KDM2B: variants seen among roughly 807,000 people sequenced by gnomAD.
KDM2B encodes the protein lysine-specific demethylase 2B.
KDM2B carries 26 observed loss-of-function variants against 150.0 expected under a neutral mutation model. The observed-to-expected ratio is 0.17, with a 90% CI of 0.13 to 0.24. The LOEUF (loss-of-function observed/expected upper bound fraction) is 0.24, where lower values mean the gene tolerates loss of function less well. Ranked by LOEUF, KDM2B falls within the 10% of genes least tolerant of loss-of-function variation. The pLI, the probability that KDM2B is intolerant of heterozygous loss-of-function variation, is 1.00. For missense variants in KDM2B, 1,265 were observed against 1,816.9 expected, an observed-to-expected ratio of 0.70 and a Z score of 5.52; for synonymous variants, 734 against 729.5, an observed-to-expected ratio of 1.01 and a Z score of -0.10.
rs1872717310 is a variant in KDM2B, at chr12:121,429,672, T to G, written c.*616A>C. ...CTACTTTGTTAGATCTGGGCACATT[T>G]GTAGATGGGTTGTGTCGATGAAGTA... is the stretch of plus-strand genomic sequence containing the variant. On this transcript the variant is annotated 3_prime_UTR_variant, in exon 23 of 23. Coordinates refer to ENST00000377071, the MANE Select transcript of KDM2B (RefSeq NM_032590.5). The G allele has an allele frequency of 1.3e-5, 4 of 303,490 alleles. No homozygotes were observed. The South Asian group carries it at 2.2e-4, about 16-fold the overall frequency. 18.8% of individuals were successfully genotyped at this position (303,490 alleles called of 1,614,324 possible).
intron 17 of KDM2B, chr12:121,443,258 T>A (rs1197598927): frequency 2.0e-5 from 12 of 594,312 alleles, no homozygotes; most frequent in Non-Finnish European, 3.6e-5. Flanking sequence ...CCCACCCAAC[T>A]GACCTCCCAC....
At chr12:121,417,940 G>A in the KDM2B span, 6 of 1,600,712 alleles carry the variant, frequency 3.7e-6, no homozygotes, top group Non-Finnish European at 5.1e-6. The surrounding 1 kb of genome is among the most constrained non-coding windows in gnomAD (Gnocchi z 5.0). Context: ...TTACACCCAG[G>A]GCCCGGCACG....
chr12:121,416,404 A>T, the KDM2B span: 3 of 1,413,820 alleles, frequency 2.1e-6, no homozygotes, highest in Non-Finnish European at 3.0e-6. Context: ...GTTACATAAC[A>T]ACACACATGG....
At chr12:121,498,221 G>GC (rs1216322573) in intron 11 of KDM2B, among the ~76,000 whole-genome samples, 1 of 152,106 alleles carries the variant, frequency 6.6e-6, no homozygotes, top group Non-Finnish European at 1.5e-5. Context: ...CTGCATGTGG[G>GC]CCCCAAATGG....
chr12:121,424,769 C>G (rs1872430942), downstream of KDM2B, among the ~76,000 whole-genome samples: 1 of 151,702 alleles, frequency 6.6e-6, no homozygotes, highest in Admixed American at 6.6e-5. Flanking sequence ...ACAGTGCTTA[C>G]ATTTCCTGCT....
intron 12 of KDM2B, among the ~76,000 whole-genome samples, chr12:121,457,411 G>A (rs1008266762): frequency 2.0e-5 from 3 of 151,994 alleles, no homozygotes; most frequent in African/African-American, 7.2e-5. Flanking sequence ...ACAGGTGTGC[G>A]CCACCAAGCC....
rs1555316798 is a variant in KDM2B, at chr12:121,575,878, T to C, written c.272-19A>G. ...TTGAAATCTGTTTGGATATTTGAATTAAAACAAGTTGGTTAAGTCACGAAG... is the reference window on the plus strand; with the variant it reads ...TTGAAATCTGTTTGGATATTTGAATCAAAACAAGTTGGTTAAGTCACGAAG... On this transcript the variant is annotated intron_variant, in intron 2 of 22. Transcript: ENST00000377071. This position sits in a 1 kb window ranked among gnomAD's most constrained non-coding sequence, Gnocchi z 4.4. The C allele has an allele frequency of 6.3e-7, 1 of 1,585,132 alleles. No individual in the cohort carries two copies. The highest frequency in any genetic ancestry group is 8.7e-7 in the Non-Finnish European group (1 of 1,153,770).
At chr12:121,419,742 G>A in the KDM2B span, among the ~76,000 whole-genome samples, 1 of 152,176 alleles carries the variant, frequency 6.6e-6, no homozygotes, top group Non-Finnish European at 1.5e-5. Flanking sequence ...ATTAGCCTCA[G>A]CCATCAGTGA....
chr12:121,515,871 C>T (rs1394963308), intron 9 of KDM2B, among the ~76,000 whole-genome samples: 2 of 152,112 alleles, frequency 1.3e-5, no homozygotes, highest in South Asian at 2.1e-4. Flanking sequence ...GGGGGATGCA[C>T]GGAGTGGGGA....
intron 4 of KDM2B, among the ~76,000 whole-genome samples, chr12:121,565,338 C>T (rs1555314656): frequency 1.4e-5 from 2 of 147,510 alleles, no homozygotes; most frequent in African/African-American, 5.0e-5. Context: ...TTTTTTAAGA[C>T]AGAGTTTCAT....
rs139166425 is a variant in KDM2B at position 121,531,820 on chromosome 12, C to T, written c.931+986G>A. Among the ~76,000 whole-genome samples the T allele has an allele frequency of 2.0e-3, 299 of 152,238 alleles. 2 individuals are homozygous for T. Among genetic ancestry groups the T allele is most frequent in the African/African-American group, 6.9e-3 (286 of 41,548 alleles). ...AAACCTCCTTCCTACAGGCTAGGTG[C>T]GGTGGCTCACATGTGTAATCCTAGC... On this transcript the variant is annotated intron_variant, in intron 8 of 22. Transcript: ENST00000377071.
chr12:121,516,547 C>T, intron 9 of KDM2B: 1 of 1,445,132 alleles, frequency 6.9e-7, no homozygotes, highest in Non-Finnish European at 9.1e-7. Context: ...TACGGTTGCT[C>T]AACATTATTT....
chr12:121,532,443 G>A (rs1288042158), intron 8 of KDM2B, among the ~76,000 whole-genome samples: 4 of 152,162 alleles, frequency 2.6e-5, no homozygotes, highest in East Asian at 3.9e-4. Context: ...CTAAGTGGTC[G>A]ATCCAGAATT....
rs1310643891 is a variant in KDM2B, at chr12:121,445,829, G to A, written c.1960-411C>T. On this transcript the variant is annotated intron_variant, in intron 13 of 22. Transcript: ENST00000377071. Reference sequence around the variant, plus strand: ...CATTCAGAAAAGCCCCAAAGGAGCAGGGGCGTGAGCGCAGCCCAGATCCAT... The same window carrying A: ...CATTCAGAAAAGCCCCAAAGGAGCAAGGGCGTGAGCGCAGCCCAGATCCAT... 1.2e-4 allele frequency among the ~76,000 whole-genome samples: 18 copies of A among 152,212 alleles called. No individual in the cohort carries two copies. In the South Asian group the frequency reaches 3.7e-3, roughly 32 times the overall value.
At chr12:121,495,533 C>T (rs924854724) in intron 11 of KDM2B, among the ~76,000 whole-genome samples, 6 of 152,170 alleles carry the variant, frequency 3.9e-5, no homozygotes, top group African/African-American at 1.4e-4. Context: ...CTCCTGGCCT[C>T]GAGGAATCCT....
chr12:121,439,863 G>C lies in KDM2B; in HGVS notation c.3823C>G (p.Leu1275Val). The C allele has an allele frequency of 1.2e-6, 2 of 1,614,024 alleles. No individual in the cohort carries two copies. Among genetic ancestry groups the C allele is most frequent in the Non-Finnish European group, 1.7e-6 (2 of 1,179,878 alleles). ...ATGGGGGCCCCTGACTCACCAGACAGGTTGATCTCGGTTAAGGAGTCTCGG... is the reference window on the plus strand; with the variant it reads ...ATGGGGGCCCCTGACTCACCAGACACGTTGATCTCGGTTAAGGAGTCTCGG... ...TTRDSLTEIN[L>V]SDCNKVTDQC... The change falls in exon 22 of 23, where the codon CTG becomes GTG. Residue 1275 changes from leucine to valine, a missense_variant. Leu to Val is a conservative substitution (Grantham distance 32, BLOSUM62 1). Around this residue, in one of 11 missense-constraint regions of KDM2B, gnomAD observed 251 missense variants for 397.8 expected, o/e 0.63. Transcript: ENST00000377071.
the KDM2B span, chr12:121,415,412 C>T: frequency 3.8e-3 from 902 of 239,554 alleles, 6 homozygotes; most frequent in African/African-American, 0.018. Context: ...CTTGAGGCCA[C>T]GCATCTGAGA....
At chr12:121,472,115 C>T (rs532075282) in intron 12 of KDM2B, among the ~76,000 whole-genome samples, 1 of 152,048 alleles carries the variant, frequency 6.6e-6, no homozygotes, top group African/African-American at 2.4e-5. Context: ...AGAGCAACAC[C>T]CTGTCTCAAA....
chr12:121,524,946 T>C (rs2141288196), intron 8 of KDM2B, among the ~76,000 whole-genome samples: 1 of 152,156 alleles, frequency 6.6e-6, no homozygotes, highest in Non-Finnish European at 1.5e-5. Flanking sequence ...ACCCACAACC[T>C]GAGCGTCTGC....
Sources: gnomAD v4.1 joint callset for allele counts (sites outside exome capture counted in the v4.1 genomes callset) on GRCh38, gnomAD v4.1.1 for gene constraint, gnomAD v4.1.1 regional missense constraint, Gnocchi (gnomAD v3.1) non-coding constraint, MANE v1.5 for transcripts, NCBI Gene and HGNC (gene_info 2026-07-23, HGNC 2026-07-21) for gene names.